The following R3HCC1L variants were observed in gnomAD, a reference collection of about 807,000 sequenced individuals.
The protein encoded by R3HCC1L is R3H domain and coiled-coil containing 1 like, also known as coiled-coil domain-containing protein R3HCC1L.
Under a neutral mutation model 59.9 loss-of-function variants are expected in R3HCC1L, and 51 were observed. The ratio of observed to expected loss-of-function variants is 0.85; its 90% CI spans 0.68 to 1.07. R3HCC1L has a LOEUF of 1.07. R3HCC1L is among the 50% of genes least tolerant of loss of function. R3HCC1L has a pLI of 0.00. For missense variants in R3HCC1L, 965 were observed against 933.0 expected (o/e 1.03, Z -0.45); for synonymous variants, 322 against 315.2 (o/e 1.02, Z -0.23).
At chr10:98,239,728 C>T (rs944343906) in intron 9 of R3HCC1L, among the ~76,000 whole-genome samples, 1 of 152,094 alleles carries the variant, frequency 6.6e-6, no homozygotes, top group Admixed American at 6.5e-5. Context: ...GACAGGGTCT[C>T]ACTTTGTCAC....
In R3HCC1L at chr10:98,180,483, G is replaced by A. The variant is rs368704492; in HGVS notation, c.-15+17086G>A. ...TGAGGAGTGCTTTACTTCCAACCAC[G>A]TGGTCAGTTTTGGAATACGTGCCAT... is the stretch of plus-strand genomic sequence containing the variant. On this transcript the variant is annotated intron_variant, in intron 4 of 9. Coordinates refer to ENST00000298999, the MANE Select transcript of R3HCC1L (RefSeq NM_001351015.2). Among the ~76,000 whole-genome samples the A allele has an allele frequency of 9.9e-5, 15 of 152,266 alleles. No individual in the cohort carries two copies. The South Asian group carries it at 2.3e-3, about 23-fold the overall frequency.
At chr10:98,227,373 A>G (rs1590802747) in intron 5 of R3HCC1L, among the ~76,000 whole-genome samples, 1 of 152,170 alleles carries the variant, frequency 6.6e-6, no homozygotes, top group East Asian at 1.9e-4. Flanking sequence ...TCTTGAATCC[A>G]TTTTTCAACT....
chr10:98,151,866 G>A (rs1306049972), intron 1 of R3HCC1L, among the ~76,000 whole-genome samples: 1 of 152,184 alleles, frequency 6.6e-6, no homozygotes, highest in African/African-American at 2.4e-5. Flanking sequence ...ACTTAAATGT[G>A]ATAGAAGTTC....
In R3HCC1L at chr10:98,211,310, A is replaced by C. The variant is rs1279943871; in HGVS notation, c.1785+1411A>C. ...TGTCTATTTACAACTTTTTCAGGGG[A>C]TTCTGATGCACATAAAGCCCGAGAA... On this transcript the variant is annotated intron_variant, in intron 5 of 9. Coordinates refer to ENST00000298999, the MANE Select transcript of R3HCC1L (RefSeq NM_001351015.2). 5 of 1,514,966 alleles carry C rather than the reference A, an allele frequency of 3.3e-6. No individual in the cohort carries two copies. The South Asian group carries it at 6.0e-5, about 18-fold the overall frequency. The allele number at this position is 1,514,966 out of a possible 1,614,324, so 93.8% of individuals were successfully genotyped here. A position where few individuals can be genotyped will look rare whatever the true frequency, so the allele number is the denominator to read the frequency against.
chr10:98,166,704 T>C (rs1020916003), intron 4 of R3HCC1L, among the ~76,000 whole-genome samples: 1 of 152,184 alleles, frequency 6.6e-6, no homozygotes, highest in African/African-American at 2.4e-5. Context: ...GGTAGAGACA[T>C]CTTAAGGGGA....
At chr10:98,146,046 T>C (rs1038433967) in intron 1 of R3HCC1L, among the ~76,000 whole-genome samples, 1 of 152,174 alleles carries the variant, frequency 6.6e-6, no homozygotes, top group Non-Finnish European at 1.5e-5. Context: ...TTACCATACA[T>C]ATTTCTAAGT....
At chr10:98,188,030 C>T (rs1850418529) in intron 4 of R3HCC1L, among the ~76,000 whole-genome samples, 1 of 152,046 alleles carries the variant, frequency 6.6e-6, no homozygotes, top group Non-Finnish European at 1.5e-5. Flanking sequence ...AGGCAGGACC[C>T]ATTATACTTG....
At chr10:98,206,149 T>C (rs1181955747) in intron 4 of R3HCC1L, among the ~76,000 whole-genome samples, 1 of 152,144 alleles carries the variant, frequency 6.6e-6, no homozygotes, top group African/African-American at 2.4e-5. Flanking sequence ...TTAGTTCTTT[T>C]AGCTCTACAT....
At chr10:98,170,516 G>T (rs745632903) in intron 4 of R3HCC1L, among the ~76,000 whole-genome samples, 8 of 152,152 alleles carry the variant, frequency 5.3e-5, no homozygotes, top group Non-Finnish European at 1.0e-4. Context: ...TTTAGAGACA[G>T]AGTCTTGCTA....
intron 1 of R3HCC1L, among the ~76,000 whole-genome samples, chr10:98,152,000 C>T (rs1429950587): frequency 1.3e-5 from 2 of 152,142 alleles, no homozygotes; most frequent in Non-Finnish European, 2.9e-5. Context: ...CCTCTGATGC[C>T]GAGCCGAAGC....
At chr10:98,221,107 A>G (rs2135460573) in intron 5 of R3HCC1L, among the ~76,000 whole-genome samples, 1 of 150,486 alleles carries the variant, frequency 6.6e-6, no homozygotes, top group African/African-American at 2.4e-5. Flanking sequence ...TGTGGTTTTG[A>G]TTTGCATTTC....
intron 1 of R3HCC1L, among the ~76,000 whole-genome samples, chr10:98,146,187 A>T (rs1414213521): frequency 1.3e-5 from 2 of 150,708 alleles, no homozygotes; most frequent in Non-Finnish European, 3.0e-5. Flanking sequence ...TTTTTTGGTT[A>T]CAGCTCTGTT....
intron 4 of R3HCC1L, among the ~76,000 whole-genome samples, chr10:98,187,956 T>C (rs1430794058): frequency 1.3e-5 from 2 of 152,046 alleles, no homozygotes; most frequent in African/African-American, 4.8e-5. Context: ...TTGCCTAGGC[T>C]GGTCTCGAAC....
chr10:98,219,148 G>A (rs1332405675), intron 5 of R3HCC1L, among the ~76,000 whole-genome samples: 1 of 152,232 alleles, frequency 6.6e-6, no homozygotes, highest in African/African-American at 2.4e-5. Flanking sequence ...CTGGCCTCAA[G>A]TGATCCACCT....
intron 1 of R3HCC1L, among the ~76,000 whole-genome samples, chr10:98,141,429 G>A (rs1043815109): frequency 6.6e-6 from 1 of 152,210 alleles, no homozygotes; most frequent in Non-Finnish European, 1.5e-5. Context: ...GTGTATGTGT[G>A]TAATGTAAAG....
chr10:98,226,305 A>T (rs1371098979), intron 5 of R3HCC1L, among the ~76,000 whole-genome samples: 1 of 152,252 alleles, frequency 6.6e-6, no homozygotes. Context: ...TGAAGAAAAC[A>T]ATTTTACAAT....
chr10:98,136,528 G>A (rs977344061), intron 1 of R3HCC1L, among the ~76,000 whole-genome samples: 1 of 152,126 alleles, frequency 6.6e-6, no homozygotes, highest in Non-Finnish European at 1.5e-5. Context: ...ATTTTATATA[G>A]TATTTTTAAT....
In R3HCC1L at chr10:98,234,536, C is replaced by T; in HGVS notation, c.2032+20C>T. On this transcript the variant is annotated intron_variant, in intron 7 of 9. Transcript: ENST00000298999. ...TTACAGGTATTCACCCAGTGGCTTTCAATCTTCCTTTCTTATTGTTCATTT... is the reference window on the plus strand; with the variant it reads ...TTACAGGTATTCACCCAGTGGCTTTTAATCTTCCTTTCTTATTGTTCATTT... The T allele has an allele frequency of 6.3e-7, 1 of 1,593,456 alleles. No individual in the cohort carries two copies. The highest frequency in any genetic ancestry group is 8.6e-7 in the Non-Finnish European group (1 of 1,164,446).
chr10:98,235,602 C>A, intron 8 of R3HCC1L, 82 bp downstream of exon 8: 1 of 998,844 alleles, frequency 1.0e-6, no homozygotes, highest in Non-Finnish European at 1.5e-6. Flanking sequence ...ATCCAGACAT[C>A]TAAAGACATA....
Sources: gnomAD v4.1 joint callset for allele counts (sites outside exome capture counted in the v4.1 genomes callset) on GRCh38, gnomAD v4.1.1 for gene constraint, MANE v1.5 for transcripts, NCBI Gene and HGNC (gene_info 2026-07-23, HGNC 2026-07-21) for gene names.